Variants in ADAMTSL2 observed in about 807,000 individuals in gnomAD.
The protein encoded by ADAMTSL2 is ADAMTS-like protein 2.
ADAMTSL2 carries 55 observed loss-of-function variants against 117.0 expected under a neutral mutation model. That is an observed-to-expected ratio of 0.47 (90% CI 0.38 to 0.59). The LOEUF is 0.59. Among genes scored for constraint, ADAMTSL2 ranks in the 20% least tolerant of loss-of-function variants. ADAMTSL2 has a pLI of 0.00. For missense variants in ADAMTSL2, 1,182 were observed against 1,354.5 expected (o/e 0.87, Z 2.00); for synonymous variants, 572 against 566.4 (o/e 1.01, Z -0.14).
rs1021896426 is a variant in ADAMTSL2 at position 133,557,170 on chromosome 9, C to A, written c.1649+1240C>A. ...GTGATGTGGTTTGGGGCCACCCTCC[C>A]ACCCATCCAGCCCTGGGACCAGAGC... On this transcript the variant is annotated intron_variant, in intron 11 of 18. Coordinates refer to ENST00000651351, the MANE Select transcript of ADAMTSL2 (RefSeq NM_014694.4). This position sits in a 1 kb window ranked among gnomAD's most constrained non-coding sequence, Gnocchi z 5.2. Among the ~76,000 whole-genome samples, 78 of 152,278 alleles carry A rather than the reference C, an allele frequency of 5.1e-4. 1 individual carries two copies. The South Asian group carries it at 7.5e-3, about 15-fold the overall frequency.
At chr9:133,564,966 G>A (rs112883710) in intron 12 of ADAMTSL2, among the ~76,000 whole-genome samples, 10,626 of 152,168 alleles carry the variant, frequency 0.07, 505 homozygotes, top group Non-Finnish European at 0.12. Flanking sequence ...TGGCCGCGGT[G>A]GGGAAGCTTG....
intron 11 of ADAMTSL2, among the ~76,000 whole-genome samples, chr9:133,560,319 G>A (rs1830696471): frequency 6.6e-6 from 1 of 152,226 alleles, no homozygotes; most frequent in South Asian, 2.1e-4. Flanking sequence ...CGAAGGACCT[G>A]CTGTCCACCG....
chr9:133,566,195 A>C (rs1830969122), intron 12 of ADAMTSL2, among the ~76,000 whole-genome samples: 2 of 152,226 alleles, frequency 1.3e-5, no homozygotes, highest in African/African-American at 4.8e-5. Context: ...TAATCCCAGC[A>C]CTTTGGGAGG....
At chr9:133,572,996 C>T (rs1462152661) in intron 17 of ADAMTSL2, among the ~76,000 whole-genome samples, 5 of 152,226 alleles carry the variant, frequency 3.3e-5, no homozygotes, top group African/African-American at 4.8e-5. Flanking sequence ...CGCCTGCAGA[C>T]GGTGCCAGCC....
intron 13 of ADAMTSL2, 95 bp downstream of exon 13, chr9:133,567,157 G>A: frequency 1.4e-6 from 2 of 1,480,036 alleles, no homozygotes; most frequent in Non-Finnish European, 1.8e-6. Context: ...GCCCCGTAGA[G>A]GTTCTTCGTG....
rs1014915836 is a variant in ADAMTSL2, at chr9:133,558,908, G to A, written c.1650-2290G>A. 3.9e-5 allele frequency among the ~76,000 whole-genome samples: 6 copies of A among 152,220 alleles called. No homozygotes were observed. Among genetic ancestry groups the A allele is most frequent in the African/African-American group, 1.4e-4 (6 of 41,458 alleles). On this transcript the variant is annotated intron_variant, in intron 11 of 18. Transcript: ENST00000651351. This position sits in a 1 kb window ranked among gnomAD's most constrained non-coding sequence, Gnocchi z 4.3. ...GAGTTGCATCTGCTATGCCCCACAC[G>A]TGCTGCTGCGAAGAGTGTGTGGGCA...
chr9:133,566,116 G>T (rs1375241200), intron 12 of ADAMTSL2, among the ~76,000 whole-genome samples: 1 of 152,180 alleles, frequency 6.6e-6, no homozygotes, highest in African/African-American at 2.4e-5. Context: ...AGAGTACGGG[G>T]CACCAACAAA....
chr9:133,566,144 G>T (rs980672155), intron 12 of ADAMTSL2, among the ~76,000 whole-genome samples: 1 of 152,328 alleles, frequency 6.6e-6, no homozygotes, highest in East Asian at 1.9e-4. Flanking sequence ...ACACAGTGAT[G>T]ATTAAAGAAA....
intron 1 of ADAMTSL2, among the ~76,000 whole-genome samples, chr9:133,536,171 C>T (rs1459608663): frequency 6.6e-6 from 1 of 152,248 alleles, no homozygotes; most frequent in Non-Finnish European, 1.5e-5. Flanking sequence ...CCTGGCCAAG[C>T]CCATCCCCAT....
At chr9:133,542,087 G>A (rs190234988) in intron 7 of ADAMTSL2, among the ~76,000 whole-genome samples, 2 of 152,318 alleles carry the variant, frequency 1.3e-5, no homozygotes, top group Admixed American at 1.3e-4. Context: ...TTAGGGCCAC[G>A]GAGGACCCGA....
chr9:133,562,151 G>A (rs1359790173), intron 12 of ADAMTSL2, among the ~76,000 whole-genome samples: 1 of 152,256 alleles, frequency 6.6e-6, no homozygotes, highest in African/African-American at 2.4e-5. Context: ...TGATGCCCTT[G>A]CAGTCTCTGG....
At chr9:133,556,558 G>A (rs34740845) in intron 11 of ADAMTSL2, among the ~76,000 whole-genome samples, 23,443 of 152,256 alleles carry the variant, frequency 0.15, 1,867 homozygotes, top group Middle Eastern at 0.19. Flanking sequence ...AATCAGGGAT[G>A]AAGAACAAGG....
intron 12 of ADAMTSL2, among the ~76,000 whole-genome samples, chr9:133,565,677 G>A (rs1408459607): frequency 6.6e-6 from 1 of 152,250 alleles, no homozygotes; most frequent in Non-Finnish European, 1.5e-5. Context: ...CCAGCGCTGG[G>A]GCTTGGAGAG....
intron 16 of ADAMTSL2, 130 bp downstream of exon 16, chr9:133,569,708 T>G: frequency 3.2e-6 from 3 of 939,908 alleles, no homozygotes; most frequent in Non-Finnish European, 4.9e-6. Flanking sequence ...GAAGGGACAA[T>G]TCCCTAAAAA....
Position 133,561,201 on chromosome 9 carries a change from C to T in ADAMTSL2, c.1653C>T (p.Thr551=). ...CCCTGCTTGGTCTCGCTTTCAGGAC[C>T]AGGCCCAAGGCGCGCAAGCAAGGCG... ...SAGNRTHKAR[T]RPKARKQGVS... is the part of the protein sequence containing the mutation. Residue 551 remains threonine, a synonymous_variant, in exon 12 of 19, where the codon ACC becomes ACT. Coordinates refer to ENST00000651351, the MANE Select transcript of ADAMTSL2 (RefSeq NM_014694.4). The T allele has an allele frequency of 6.2e-7, 1 of 1,605,640 alleles. No individual in the cohort carries two copies. The highest frequency in any genetic ancestry group is 2.2e-5 in the East Asian group (1 of 44,642).
At chr9:133,546,259 G>A (rs752481477) in intron 8 of ADAMTSL2, among the ~76,000 whole-genome samples, 4 of 152,118 alleles carry the variant, frequency 2.6e-5, no homozygotes, top group South Asian at 2.1e-4. Context: ...GGGCTGCAGG[G>A]CTTCATGGGC....
chr9:133,560,698 G>A (rs1230009573), intron 11 of ADAMTSL2, among the ~76,000 whole-genome samples: 1 of 152,202 alleles, frequency 6.6e-6, no homozygotes. Context: ...TTTGATAATT[G>A]GAGGCTGGAT....
rs1252782412 is a variant in ADAMTSL2 at position 133,570,331 on chromosome 9, T to C, written c.2416T>C (p.Cys806Arg). The C allele has an allele frequency of 1.3e-6, 2 of 1,543,808 alleles. No homozygotes were observed. The highest frequency in any genetic ancestry group is 3.9e-5 in the Admixed American group (2 of 51,032). The change falls in exon 17 of 19, where the codon TGC becomes CGC. Residue 806 changes from cysteine to arginine, a missense_variant and splice_region_variant. Cys to Arg is a radical substitution (Grantham distance 180, BLOSUM62 -3). Coordinates refer to ENST00000651351, the MANE Select transcript of ADAMTSL2 (RefSeq NM_014694.4). Reference sequence around the variant, plus strand: ...CCCGCTCCCTCTGCCCCGGCCTCAGTGCAACACCACCTGCGGGCGCGGGGT... The same window carrying C: ...CCCGCTCCCTCTGCCCCGGCCTCAGCGCAACACCACCTGCGGGCGCGGGGT... ...AHWLAQDWER[C>R]NTTCGRGVKK...
intron 13 of ADAMTSL2, among the ~76,000 whole-genome samples, chr9:133,567,271 GTAGACA>G (rs1479723159): frequency 6.6e-6 from 1 of 152,192 alleles, no homozygotes; most frequent in Admixed American, 6.5e-5. Context: ...ACTGTGCCTC[GTAGACA>G]GTAGGTGCTC....
Sources: gnomAD v4.1 joint callset for allele counts (sites outside exome capture counted in the v4.1 genomes callset) on GRCh38, gnomAD v4.1.1 for gene constraint, Gnocchi (gnomAD v3.1) non-coding constraint, MANE v1.5 for transcripts, NCBI Gene and HGNC (gene_info 2026-07-23, HGNC 2026-07-21) for gene names.